ABCA4: variants seen among roughly 807,000 people sequenced by gnomAD.
ABCA4 encodes the protein retinal-specific phospholipid-transporting ATPase ABCA4.
In ABCA4, 196 loss-of-function variants were observed where a neutral mutation model predicts 263.7. That is an observed-to-expected ratio of 0.74 (90% CI 0.66 to 0.84). The LOEUF is 0.84. Ranked by LOEUF, ABCA4 falls within the 40% of genes least tolerant of loss-of-function variation. The pLI, the probability that ABCA4 is intolerant of heterozygous loss-of-function variation, is 0.00. For missense variants in ABCA4, 2,792 were observed against 2,855.1 expected (o/e 0.98, Z 0.50); for synonymous variants, 1,133 against 1,094.2 (o/e 1.04, Z -0.70).
intron 8 of ABCA4, among the ~76,000 whole-genome samples, chr1:94,079,662 C>A (rs1219972875): frequency 1.3e-5 from 2 of 152,146 alleles, no homozygotes; most frequent in Non-Finnish European, 2.9e-5. Flanking sequence ...CAGTAATGGC[C>A]TCATCAGAGA....
chr1:94,120,850 G>C, intron 1 of ABCA4, 130 bp downstream of exon 1: 1 of 828,438 alleles, frequency 1.2e-6, no homozygotes, highest in Non-Finnish European at 2.0e-6. Flanking sequence ...GTGCTAATCG[G>C]CGACAAGCCC....
chr1:94,046,880 G>A, intron 19 of ABCA4, 39 bp downstream of exon 19: 2 of 1,608,694 alleles, frequency 1.2e-6, no homozygotes, highest in Non-Finnish European at 1.7e-6. Context: ...GGAAATGACA[G>A]GCTAGCATGG....
chr1:94,098,259 G>A (rs187087627), intron 6 of ABCA4, among the ~76,000 whole-genome samples: 7 of 152,258 alleles, frequency 4.6e-5, no homozygotes, highest in Middle Eastern at 3.4e-3. Context: ...TTTCTCTGTC[G>A]TTTTTTCTCT....
chr1:94,010,781 G>A lies in ABCA4; in HGVS notation c.5714+19C>T. On this transcript the variant is annotated intron_variant, in intron 40 of 49. Coordinates refer to ENST00000370225, the MANE Select transcript of ABCA4 (RefSeq NM_000350.3). Reference sequence around the variant, plus strand: ...ATGCCCTGAGCTGCCCACTGGCCCAGGGTGTGGCATGGACGTACCATTGGG... The same window carrying A: ...ATGCCCTGAGCTGCCCACTGGCCCAAGGTGTGGCATGGACGTACCATTGGG... 1 of 1,614,150 alleles carries A rather than the reference G, an allele frequency of 6.2e-7. No homozygotes were observed. The highest frequency in any genetic ancestry group is 8.5e-7 in the Non-Finnish European group (1 of 1,180,022).
At position 94,049,049 on chromosome 1, in the gene ABCA4, A is replaced by G. The variant is rs536798904; in HGVS notation, c.2654-92T>C. The stretch of plus-strand genomic sequence containing the variant: ...AGGGGAGAGGTACAGGGAGCAAATG[A>G]GTTTCCTAGCCAGCCTTTGACCTGC... On this transcript the variant is annotated intron_variant, in intron 17 of 49. Transcript: ENST00000370225. 53 of 1,258,322 alleles carry G rather than the reference A, an allele frequency of 4.2e-5. No individual in the cohort carries two copies. The South Asian group carries it at 5.9e-4, about 14-fold the overall frequency. The allele number at this position is 1,258,322 out of a possible 1,614,324, so 77.9% of individuals were successfully genotyped here.
rs993661880 is a variant in ABCA4, at chr1:94,093,164, T to G, written c.768+5630A>C. Among the ~76,000 whole-genome samples the G allele has an allele frequency of 4.6e-5, 7 of 152,198 alleles. No homozygotes were observed. In the South Asian group the frequency reaches 8.3e-4, roughly 18 times the overall value. Reference sequence around the variant, plus strand: ...ATGCTGAAGGGGGCAGGGAGGATGCTGAATACTTCATAAACAGAGTTAAGG... The same window carrying G: ...ATGCTGAAGGGGGCAGGGAGGATGCGGAATACTTCATAAACAGAGTTAAGG... On this transcript the variant is annotated intron_variant, in intron 6 of 49. Transcript: ENST00000370225.
At chr1:94,102,968 G>T (rs1413604441) in intron 5 of ABCA4, 47 bp downstream of exon 5, 1 of 1,613,680 alleles carries the variant, frequency 6.2e-7, no homozygotes. Context: ...CTCAGGCTGG[G>T]TGCTTCCCTC....
intron 1 of ABCA4, among the ~76,000 whole-genome samples, chr1:94,114,018 A>G (rs1221895963): frequency 1.3e-5 from 2 of 152,232 alleles, no homozygotes; most frequent in African/African-American, 2.4e-5. Context: ...CCCTTACTCC[A>G]GGGACCTTAG....
chr1:94,078,790 A>C, intron 9 of ABCA4, 84 bp from the exon 10 acceptor site: 1 of 936,980 alleles, frequency 1.1e-6, no homozygotes, highest in African/African-American at 1.6e-5. Context: ...TTCTGCCCCT[A>C]TCACTTAGTG....
Position 93,993,076 on chromosome 1 carries a change from C to G in ABCA4, c.*161G>C, listed in dbSNP as rs1658911893. 1 of 897,502 alleles carries G rather than the reference C, an allele frequency of 1.1e-6. No homozygotes were observed. The highest frequency in any genetic ancestry group is 1.7e-5 in the African/African-American group (1 of 59,762). 55.6% of individuals were successfully genotyped at this position (897,502 alleles called of 1,614,324 possible). On this transcript the variant is annotated 3_prime_UTR_variant, in exon 50 of 50. Coordinates refer to ENST00000370225, the MANE Select transcript of ABCA4 (RefSeq NM_000350.3). ...CAGTTTCGGTTTCCTTCTGAAAGACCTCTTTCTGAATTCGCTGCATGCTCC... is the reference window on the plus strand; with the variant it reads ...CAGTTTCGGTTTCCTTCTGAAAGACGTCTTTCTGAATTCGCTGCATGCTCC...
chr1:94,035,947 G>T (rs1015893082), intron 26 of ABCA4, among the ~76,000 whole-genome samples: 1 of 152,140 alleles, frequency 6.6e-6, no homozygotes, highest in Non-Finnish European at 1.5e-5. Flanking sequence ...GAATCCACAG[G>T]AATTTTGGTC....
At chr1:94,043,520 A>G (rs771583503) in intron 20 of ABCA4, 45 bp from the exon 21 acceptor site, 3 of 1,612,484 alleles carry the variant, frequency 1.9e-6, no homozygotes, top group Non-Finnish European at 2.5e-6. Flanking sequence ...TAGCACTTCC[A>G]CTTCCAGCAG....
chr1:94,077,982 G>A, intron 10 of ABCA4, 95 bp from the exon 11 acceptor site: 1 of 1,258,800 alleles, frequency 7.9e-7, no homozygotes, highest in Non-Finnish European at 1.1e-6. Context: ...AGTGATTGAG[G>A]ATAGAGATGC....
At chr1:94,013,661 T>C (rs1264442709) in intron 38 of ABCA4, among the ~76,000 whole-genome samples, 2 of 152,198 alleles carry the variant, frequency 1.3e-5, no homozygotes, top group Non-Finnish European at 2.9e-5. Context: ...TTTCCCCCTC[T>C]TTTTATGATT....
chr1:94,044,337 C>T (rs903106697), intron 20 of ABCA4, among the ~76,000 whole-genome samples: 7 of 152,172 alleles, frequency 4.6e-5, no homozygotes, highest in South Asian at 2.1e-4. Flanking sequence ...ACAAGGGGCT[C>T]GGGGATCGAT....
chr1:94,016,455 G>T (rs897048022), intron 36 of ABCA4, among the ~76,000 whole-genome samples: 4 of 152,160 alleles, frequency 2.6e-5, no homozygotes, highest in Admixed American at 2.6e-4. Flanking sequence ...AGCCAGAGCA[G>T]AACGAGGAGG....
At chr1:94,117,932 A>G (rs1254916659) in intron 1 of ABCA4, among the ~76,000 whole-genome samples, 1 of 152,206 alleles carries the variant, frequency 6.6e-6, no homozygotes, top group Non-Finnish European at 1.5e-5. Context: ...GCAATTATTA[A>G]TAGTGCTCCC....
intron 11 of ABCA4, among the ~76,000 whole-genome samples, chr1:94,069,448 G>C (rs934876880): frequency 6.6e-6 from 1 of 152,146 alleles, no homozygotes; most frequent in Admixed American, 6.5e-5. Flanking sequence ...GTCTTCGAGG[G>C]TAAGGGAGCC....
intron 10 of ABCA4, 144 bp from the exon 11 acceptor site, chr1:94,078,031 G>A: frequency 1.3e-6 from 1 of 747,704 alleles, no homozygotes; most frequent in South Asian, 1.8e-5. Context: ...GTTCCACTAT[G>A]AAACATACCT....
Sources: gnomAD v4.1 joint callset for allele counts (sites outside exome capture counted in the v4.1 genomes callset) on GRCh38, gnomAD v4.1.1 for gene constraint, MANE v1.5 for transcripts, NCBI Gene and HGNC (gene_info 2026-07-23, HGNC 2026-07-21) for gene names.